Variants in VGLL4 observed in about 807,000 individuals in gnomAD.
VGLL4 encodes the protein vestigial like family member 4.
In VGLL4, 7 loss-of-function variants were observed where a neutral mutation model predicts 21.0. The ratio of observed to expected loss-of-function variants is 0.33; its 90% CI spans 0.19 to 0.63. VGLL4 has a LOEUF of 0.63. VGLL4 is among the 20% of genes least tolerant of loss of function. VGLL4 has a pLI of 0.78. For synonymous variants in VGLL4, 222 were observed against 173.2 expected (o/e 1.28, Z -2.21); for missense variants, 394 against 425.7 (o/e 0.93, Z 0.66).
rs746416276 is a variant in VGLL4 at position 11,667,842 on chromosome 3, C to CTTTTTTTTTTT, written c.64+35118_64+35128dup. The stretch of plus-strand genomic sequence containing the variant: ...GAGGGTCTCAAATTTCTATCTTCTT[C>CTTTTTTTTTTT]TTTTTTTTTTTTTTTTTTTTTTTTT... On this transcript the variant is annotated intron_variant, in intron 2 of 5. Coordinates refer to the VGLL4 transcript ENST00000273038. Among the ~76,000 whole-genome samples, 26 of 69,286 alleles carry CTTTTTTTTTTT rather than the reference C, an allele frequency of 3.8e-4. 1 individual carries two copies. Among genetic ancestry groups the CTTTTTTTTTTT allele is most frequent in the Non-Finnish European group, 4.6e-4 (18 of 38,962 alleles). The allele number at this position is 69,286 out of a possible 152,430, so 45.5% of individuals were successfully genotyped here.
rs183836046 is a variant in VGLL4 at position 11,631,769 on chromosome 3, A to G, written c.82+11668T>C. 4.8e-4 allele frequency among the ~76,000 whole-genome samples: 73 copies of G among 152,326 alleles called. No individual in the cohort carries two copies. The East Asian group carries it at 0.011, about 23-fold the overall frequency. On this transcript the variant is annotated intron_variant, in intron 1 of 4. Transcript: ENST00000430365. ...AGCTATACCCTTAGGAGTTCATCAT[A>G]ATTAATTATGCCTCAATAAAAATAA...
chr3:11,579,105 A>C (rs947435173), intron 2 of VGLL4, among the ~76,000 whole-genome samples: 1 of 152,008 alleles, frequency 6.6e-6, no homozygotes, highest in East Asian at 1.9e-4. Flanking sequence ...CCTGAGAGCC[A>C]ATCATGTAGT....
At chr3:11,577,138 T>C (rs941109953) in intron 2 of VGLL4, among the ~76,000 whole-genome samples, 1 of 152,192 alleles carries the variant, frequency 6.6e-6, no homozygotes, top group African/African-American at 2.4e-5. Flanking sequence ...AGAACAGCCC[T>C]GGCCAGCGCC....
intron 2 of VGLL4, among the ~76,000 whole-genome samples, chr3:11,593,873 T>C (rs2074567713): frequency 6.6e-6 from 1 of 152,238 alleles, no homozygotes; most frequent in African/African-American, 2.4e-5. Context: ...TCGTTCATTA[T>C]GGGTTGCTCA....
At position 11,564,781 on chromosome 3, in the gene VGLL4, C is replaced by G. The variant is rs1559859799; in HGVS notation, c.495+16G>C. ...CCCCTGGACTCCCCACGCCACCCTCCCAGACAGAGGCCCACCTGCTGCCGC... is the reference window on the plus strand; with the variant it reads ...CCCCTGGACTCCCCACGCCACCCTCGCAGACAGAGGCCCACCTGCTGCCGC... On this transcript the variant is annotated intron_variant, in intron 3 of 4. Coordinates refer to ENST00000430365, the MANE Select transcript of VGLL4 (RefSeq NM_001128219.3). 1.3e-6 allele frequency: 2 copies of G among 1,541,304 alleles called. No homozygotes were observed. Among genetic ancestry groups the G allele is most frequent in the Non-Finnish European group, 1.7e-6 (2 of 1,148,368 alleles).
intron 2 of VGLL4, among the ~76,000 whole-genome samples, chr3:11,589,446 C>T (rs2074434014): frequency 6.6e-6 from 1 of 152,158 alleles, no homozygotes; most frequent in Admixed American, 6.5e-5. Flanking sequence ...ATTTCATGTT[C>T]ATACTTAAAC....
chr3:11,685,200 GT>G (rs34267340), intron 2 of VGLL4, among the ~76,000 whole-genome samples: 78,600 of 132,108 alleles, frequency 0.59, 23,390 homozygotes, highest in Non-Finnish European at 0.69. Flanking sequence ...CCATGGTGTT[GT>G]TTTTTTTTTT....
chr3:11,598,920 A>T (rs1575435050), intron 2 of VGLL4, among the ~76,000 whole-genome samples: 1 of 152,256 alleles, frequency 6.6e-6, no homozygotes, highest in Non-Finnish European at 1.5e-5. Flanking sequence ...CCATTTTGTA[A>T]TCTCCTTAAA....
chr3:11,623,570 G>A (rs1367956586), intron 1 of VGLL4, among the ~76,000 whole-genome samples: 1 of 152,162 alleles, frequency 6.6e-6, no homozygotes, highest in Non-Finnish European at 1.5e-5. Context: ...AGGGTTTTCT[G>A]TAAGTTGGGA....
intron 1 of VGLL4, among the ~76,000 whole-genome samples, chr3:11,714,640 C>G (rs2076894388): frequency 6.6e-6 from 1 of 151,658 alleles, no homozygotes; most frequent in African/African-American, 2.4e-5. Context: ...TCTCTCTCTT[C>G]ATTTTCAAGA....
chr3:11,709,330 G>A (rs1167393501), intron 1 of VGLL4, among the ~76,000 whole-genome samples: 4 of 151,082 alleles, frequency 2.6e-5, no homozygotes, highest in Admixed American at 1.3e-4. Flanking sequence ...CCAGCTACTC[G>A]GGAGGCTGAG....
chr3:11,608,617 A>C (rs2074997057), intron 1 of VGLL4, among the ~76,000 whole-genome samples: 1 of 152,252 alleles, frequency 6.6e-6, no homozygotes, highest in Non-Finnish European at 1.5e-5. Context: ...CAAAGTCAAA[A>C]TAGAAAGAGG....
chr3:11,577,337 G>C (rs2014275), intron 2 of VGLL4, among the ~76,000 whole-genome samples: 25 of 152,104 alleles, frequency 1.6e-4, no homozygotes, highest in Non-Finnish European at 2.9e-4. Flanking sequence ...GGTGGCTCAC[G>C]CCTGTAATCT....
chr3:11,578,461 G>A (rs1385070240), intron 2 of VGLL4, among the ~76,000 whole-genome samples: 1 of 152,046 alleles, frequency 6.6e-6, no homozygotes, highest in African/African-American at 2.4e-5. Flanking sequence ...GAACCAGTTC[G>A]AAATTATTTT....
intron 2 of VGLL4, among the ~76,000 whole-genome samples, chr3:11,566,856 G>A (rs1452082674): frequency 6.6e-6 from 1 of 152,110 alleles, no homozygotes; most frequent in African/African-American, 2.4e-5. Flanking sequence ...GTCTCATTAC[G>A]CTTGCTACCA....
chr3:11,693,849 C>A (rs1194433394), intron 2 of VGLL4, among the ~76,000 whole-genome samples: 2 of 152,156 alleles, frequency 1.3e-5, no homozygotes, highest in Admixed American at 1.3e-4. Context: ...AAATGAAAAT[C>A]TCTTTACTGA....
At chr3:11,640,240 C>CTA (rs1311298347) in intron 1 of VGLL4, among the ~76,000 whole-genome samples, 2 of 152,112 alleles carry the variant, frequency 1.3e-5, no homozygotes, top group Non-Finnish European at 2.9e-5. Flanking sequence ...AGACCCTGTG[C>CTA]TAGGATTCAG....
chr3:11,627,238 T>TCTCTCTCTCTCTCTCTCTCTCTCC (rs376306251), intron 1 of VGLL4: 10 of 144,512 alleles, frequency 6.9e-5, no homozygotes, highest in African/African-American at 2.6e-4. Flanking sequence ...ACACTCTCTC[T>TCTCTCTCTCTCTCTCTCTCTCTCC]CTCTCTCTCT....
intron 1 of VGLL4, chr3:11,611,863 AGAG>A (rs1157071354): frequency 1.3e-5 from 2 of 151,652 alleles, no homozygotes; most frequent in African/African-American, 4.9e-5. Context: ...TGCCTGTAAG[AGAG>A]GAGGACTAGG....
Sources: allele counts gnomAD v4.1 joint callset (sites outside exome capture counted in the v4.1 genomes callset), GRCh38; gene constraint gnomAD v4.1.1; transcripts MANE v1.5; gene names NCBI Gene and HGNC (gene_info 2026-07-23, HGNC 2026-07-21).